The following RPTOR variants were observed in gnomAD, a reference collection of about 807,000 sequenced individuals.
The protein encoded by RPTOR is regulatory associated protein of MTOR complex 1.
RPTOR carries 21 observed loss-of-function variants against 169.9 expected under a neutral mutation model. The observed-to-expected ratio is 0.12, with a 90% CI of 0.09 to 0.18. RPTOR has a LOEUF of 0.18. RPTOR is among the 10% of genes least tolerant of loss of function. The probability of loss-of-function intolerance (pLI) is 1.00; values close to 1 mark genes in which losing one functional copy is unlikely to be tolerated. For missense variants in RPTOR, 1,133 were observed against 1,855.9 expected (o/e 0.61, Z 7.16); for synonymous variants, 732 against 753.2 (o/e 0.97, Z 0.46).
At chr17:80,785,696 TCTGA>T (rs140007967) in intron 6 of RPTOR, among the ~76,000 whole-genome samples, 9,039 of 152,132 alleles carry the variant, frequency 0.059, 884 homozygotes, top group African/African-American at 0.21. Flanking sequence ...GCCCCTTGAC[TCTGA>T]CTGAGTTGGG....
chr17:80,670,939 G>A (rs2065817248), intron 3 of RPTOR, among the ~76,000 whole-genome samples: 1 of 152,238 alleles, frequency 6.6e-6, no homozygotes, highest in East Asian at 1.9e-4. Flanking sequence ...CTGTGGTGGA[G>A]CTGGGTTGCA....
At chr17:80,834,720 A>G (rs576308587) in intron 9 of RPTOR, among the ~76,000 whole-genome samples, 1 of 152,226 alleles carries the variant, frequency 6.6e-6, no homozygotes, top group Non-Finnish European at 1.5e-5. Context: ...AGTGCAGTTC[A>G]GGCCTTCAAC....
Position 80,837,918 on chromosome 17 carries a change from G to C in RPTOR, c.1137-4G>C. 1 of 1,610,114 alleles carries C rather than the reference G, an allele frequency of 6.2e-7. No homozygotes were observed. Among genetic ancestry groups the C allele is most frequent in the Non-Finnish European group, 8.5e-7 (1 of 1,178,020 alleles). Reference sequence around the variant, plus strand: ...TCAGTGGATTTCCTCTGTTCTCTCCGCAGGCAAGCCTGGGACCTGGCTGTT... The same window carrying C: ...TCAGTGGATTTCCTCTGTTCTCTCCCCAGGCAAGCCTGGGACCTGGCTGTT... On this transcript the variant is annotated splice_polypyrimidine_tract_variant and splice_region_variant and intron_variant, in intron 9 of 33. Coordinates refer to ENST00000306801, the MANE Select transcript of RPTOR (RefSeq NM_020761.3).
intron 6 of RPTOR, among the ~76,000 whole-genome samples, chr17:80,768,104 C>T (rs945629818): frequency 5.3e-5 from 8 of 152,130 alleles, no homozygotes; most frequent in South Asian, 2.1e-4. Flanking sequence ...CCTCGTGATC[C>T]GCCCGCCTCG....
intron 25 of RPTOR, chr17:80,941,839 C>A (rs1450501798): frequency 6.6e-6 from 1 of 152,302 alleles, no homozygotes; most frequent in Non-Finnish European, 1.5e-5. Context: ...GCTCACACCT[C>A]TGCTCTGCTG....
intron 6 of RPTOR, among the ~76,000 whole-genome samples, chr17:80,764,433 T>G (rs1048214319): frequency 6.6e-6 from 1 of 151,322 alleles, no homozygotes; most frequent in Non-Finnish European, 1.5e-5. Flanking sequence ...GTCCTTGCAA[T>G]AGTTTACTGA....
intron 4 of RPTOR, among the ~76,000 whole-genome samples, chr17:80,724,836 G>A (rs528741905): frequency 1.1e-4 from 16 of 152,278 alleles, no homozygotes; most frequent in African/African-American, 3.1e-4. Flanking sequence ...CGACACTTGC[G>A]CTTGCCTTTT....
intron 1 of RPTOR, among the ~76,000 whole-genome samples, chr17:80,546,819 CA>C (rs1317358522): frequency 2.0e-5 from 3 of 152,000 alleles, no homozygotes; most frequent in African/African-American, 7.2e-5. Context: ...TTTGGGAGGC[CA>C]AGGCAGGCCT....
intron 1 of RPTOR, among the ~76,000 whole-genome samples, chr17:80,582,671 G>C (rs1055624732): frequency 6.8e-6 from 1 of 147,972 alleles, no homozygotes; most frequent in Non-Finnish European, 1.5e-5. Flanking sequence ...TCAGCCTCCC[G>C]AGTAGTTGGG....
At chr17:80,875,856 G>A in intron 13 of RPTOR, among the ~76,000 whole-genome samples, 1 of 145,338 alleles carries the variant, frequency 6.9e-6, no homozygotes, top group Admixed American at 6.8e-5. Flanking sequence ...GTCACCTGCT[G>A]GGTCTTCACA....
intron 24 of RPTOR, among the ~76,000 whole-genome samples, chr17:80,933,454 CATT>C (rs1439574014): frequency 6.6e-6 from 1 of 152,084 alleles, no homozygotes; most frequent in Admixed American, 6.6e-5. Context: ...TGTACTGAAA[CATT>C]ATTGAATGAT....
intron 24 of RPTOR, among the ~76,000 whole-genome samples, chr17:80,928,764 A>G (rs1037116432): frequency 6.6e-6 from 1 of 152,254 alleles, no homozygotes; most frequent in African/African-American, 2.4e-5. Context: ...TGCTTAAGAA[A>G]GAAAAAGATG....
chr17:80,674,504 C>T (rs1195875578), intron 3 of RPTOR, among the ~76,000 whole-genome samples: 1 of 152,172 alleles, frequency 6.6e-6, no homozygotes, highest in Non-Finnish European at 1.5e-5. Flanking sequence ...CTGGGGAAAA[C>T]GAACAGCCTC....
At chr17:80,582,386 G>T (rs1388104631) in intron 1 of RPTOR, among the ~76,000 whole-genome samples, 1 of 152,126 alleles carries the variant, frequency 6.6e-6, no homozygotes, top group Non-Finnish European at 1.5e-5. Context: ...AGACCCAGCA[G>T]GTTGGAACCA....
intron 3 of RPTOR, among the ~76,000 whole-genome samples, chr17:80,689,019 A>T (rs2065969798): frequency 1.3e-5 from 2 of 152,260 alleles, no homozygotes; most frequent in Non-Finnish European, 2.9e-5. Context: ...ATTGCAAGAT[A>T]AAACTGAAGT....
At chr17:80,611,455 G>C (rs1194025148) in intron 1 of RPTOR, among the ~76,000 whole-genome samples, 1 of 151,950 alleles carries the variant, frequency 6.6e-6, no homozygotes, top group Non-Finnish European at 1.5e-5. Flanking sequence ...CTAGTAGAGA[G>C]GGGGTTTCAC....
intron 6 of RPTOR, among the ~76,000 whole-genome samples, chr17:80,775,843 T>C (rs1174242458): frequency 6.6e-6 from 1 of 152,260 alleles, no homozygotes; most frequent in African/African-American, 2.4e-5. Flanking sequence ...TGTCCATATA[T>C]GCACATAATT....
At chr17:80,698,631 C>G (rs988713276) in intron 3 of RPTOR, among the ~76,000 whole-genome samples, 3 of 152,220 alleles carry the variant, frequency 2.0e-5, no homozygotes, top group Non-Finnish European at 4.4e-5. Context: ...TTGTTCTTTT[C>G]TCCTTAATCT....
intron 28 of RPTOR, among the ~76,000 whole-genome samples, chr17:80,952,487 C>T (rs1351072375): frequency 2.6e-5 from 4 of 152,214 alleles, no homozygotes; most frequent in Admixed American, 6.5e-5. Flanking sequence ...GCGTGACCTC[C>T]GCTTGCCCCA....
Sources: allele counts gnomAD v4.1 joint callset (sites outside exome capture counted in the v4.1 genomes callset), GRCh38; gene constraint gnomAD v4.1.1; transcripts MANE v1.5; gene names NCBI Gene and HGNC (gene_info 2026-07-23, HGNC 2026-07-21).